PCDHGB5: variants seen among roughly 807,000 people sequenced by gnomAD.
The protein encoded by PCDHGB5 is protocadherin gamma subfamily B, 5.
A neutral mutation model predicts 62.9 loss-of-function variants in PCDHGB5; 48 were observed. That is an observed-to-expected ratio of 0.76 (90% confidence interval 0.61 to 0.97). PCDHGB5 has a LOEUF of 0.97. Among genes scored for constraint, PCDHGB5 ranks in the 50% least tolerant of loss-of-function variants. The pLI, the probability that PCDHGB5 is intolerant of heterozygous loss-of-function variation, is 0.00. For missense variants in PCDHGB5, 1,118 were observed against 1,198.6 expected (o/e 0.93, Z 0.99); for synonymous variants, 474 against 511.2 (o/e 0.93, Z 0.98).
At chr5:141,479,855 C>T (rs1330076788) in intron 1 of PCDHGB5, among the ~76,000 whole-genome samples, 2 of 152,128 alleles carry the variant, frequency 1.3e-5, no homozygotes, top group Non-Finnish European at 2.9e-5. Context: ...ACTGCAAGGC[C>T]TTTGCCCTGG....
At chr5:141,428,147 G>C (rs771536400) in intron 1 of PCDHGB5, 1 of 1,589,612 alleles carries the variant, frequency 6.3e-7, no homozygotes, top group Admixed American at 1.7e-5. Flanking sequence ...GGCTGCACAC[G>C]GGAACCTGCT....
chr5:141,413,456 T>C (rs2095643709), intron 1 of PCDHGB5: 30 of 1,613,982 alleles, frequency 1.9e-5, no homozygotes, highest in South Asian at 2.2e-5. Flanking sequence ...GCGGGCAGGA[T>C]AGACCGGGAG....
At position 141,486,923 on chromosome 5, in the gene PCDHGB5, G is replaced by A. The variant is rs1377159895; in HGVS notation, c.2398-7884G>A. ...ATGTCCCCAAGCACTGCCTCCATCAGTTGGTGCTGGCCACCTAATCACAAA... is the reference window on the plus strand; with the variant it reads ...ATGTCCCCAAGCACTGCCTCCATCAATTGGTGCTGGCCACCTAATCACAAA... On this transcript the variant is annotated intron_variant, in intron 1 of 3. Transcript: ENST00000617380. This position sits in a 1 kb window ranked among gnomAD's most constrained non-coding sequence, Gnocchi z 5.0. 6.2e-7 allele frequency: 1 copy of A among 1,614,252 alleles called. No individual in the cohort carries two copies. Among genetic ancestry groups the A allele is most frequent in the Admixed American group, 1.7e-5 (1 of 60,028 alleles).
chr5:141,403,544 C>A (rs1300060255), intron 1 of PCDHGB5: 2 of 1,613,970 alleles, frequency 1.2e-6, no homozygotes, highest in South Asian at 1.1e-5. Flanking sequence ...GGTGCTGGAG[C>A]GCGCCCTGGA....
At chr5:141,435,821 T>C (rs571444304) in intron 1 of PCDHGB5, among the ~76,000 whole-genome samples, 72 of 152,240 alleles carry the variant, frequency 4.7e-4, no homozygotes, top group African/African-American at 1.6e-3. Context: ...CTTTCTTCTT[T>C]GTTTGCTGCC....
intron 1 of PCDHGB5, among the ~76,000 whole-genome samples, chr5:141,437,771 A>G (rs971065583): frequency 7.9e-5 from 12 of 151,238 alleles, no homozygotes; most frequent in Admixed American, 6.6e-5. Context: ...CAGAGTCTCA[A>G]TCTGTCGCCA....
At chr5:141,408,632 G>C (rs2154540395) in intron 1 of PCDHGB5, 3 of 1,613,952 alleles carry the variant, frequency 1.9e-6, no homozygotes, top group Non-Finnish European at 1.7e-6. Flanking sequence ...AGAAATTTTC[G>C]AATCTGCATC....
At chr5:141,429,196 A>T (rs2097195436) in intron 1 of PCDHGB5, 2 of 151,994 alleles carry the variant, frequency 1.3e-5, no homozygotes, top group African/African-American at 4.8e-5. Context: ...ACACACACAC[A>T]CACACACACG....
At chr5:141,483,757 C>T (rs895694800) in intron 1 of PCDHGB5, among the ~76,000 whole-genome samples, 1 of 151,984 alleles carries the variant, frequency 6.6e-6, no homozygotes, top group Non-Finnish European at 1.5e-5. Flanking sequence ...AGGATCGAGG[C>T]TTGGAAAAAT....
rs895234762 is a variant in PCDHGB5 at position 141,476,911 on chromosome 5, A to G, written c.2398-17896A>G. 4 of 1,613,972 alleles carry G rather than the reference A, an allele frequency of 2.5e-6. No individual in the cohort carries two copies. The African/African-American group carries it at 4.0e-5, about 16-fold the overall frequency. On this transcript the variant is annotated intron_variant, in intron 1 of 3. Transcript: ENST00000617380. This position sits in a 1 kb window ranked among gnomAD's most constrained non-coding sequence, Gnocchi z 7.6. ...CACCCTCCGGCACGCGCGTGGTACA[A>G]GTCCTTGCAACGGATCTGGATGAAG...
At chr5:141,404,720 A>C in intron 1 of PCDHGB5, 1 of 1,613,804 alleles carries the variant, frequency 6.2e-7, no homozygotes, top group Non-Finnish European at 8.5e-7. Flanking sequence ...CCTGGTGACC[A>C]AGGTGGTGGC....
At chr5:141,498,669 C>T (rs774292307) in intron 2 of PCDHGB5, among the ~76,000 whole-genome samples, 29 of 152,156 alleles carry the variant, frequency 1.9e-4, no homozygotes, top group African/African-American at 6.0e-4. Flanking sequence ...TGGTGGCTCA[C>T]GCCTGTAATC....
intron 1 of PCDHGB5, among the ~76,000 whole-genome samples, chr5:141,459,534 T>G (rs980917458): frequency 1.3e-5 from 2 of 151,990 alleles, no homozygotes; most frequent in African/African-American, 2.4e-5. Flanking sequence ...TGTAGGCATA[T>G]TTTTTTTATT....
At chr5:141,495,213 C>T (rs568314100) in intron 2 of PCDHGB5, among the ~76,000 whole-genome samples, 1 of 152,326 alleles carries the variant, frequency 6.6e-6, no homozygotes, top group South Asian at 2.1e-4. Flanking sequence ...AACCCCCTCC[C>T]CTGAGTTGAG....
At position 141,414,787 on chromosome 5, in the gene PCDHGB5, G is replaced by C. The variant is rs372484037; in HGVS notation, c.2397+14263G>C. ...TCATGAGCTACAGATGCAGGTGACA[G>C]CCAGCGACAGCGGGGATCCTCCACT... On this transcript the variant is annotated intron_variant, in intron 1 of 3. Coordinates refer to ENST00000617380, the MANE Select transcript of PCDHGB5 (RefSeq NM_018925.3). 12 of 1,614,230 alleles carry C rather than the reference G, an allele frequency of 7.4e-6. No homozygotes were observed. The highest frequency in any genetic ancestry group is 2.2e-5 in the East Asian group (1 of 44,874).
chr5:141,432,586 C>T lies in PCDHGB5; in HGVS notation c.2397+32062C>T. The T allele has an allele frequency of 1.9e-6, 3 of 1,613,852 alleles. No homozygotes were observed. Among genetic ancestry groups the T allele is most frequent in the Non-Finnish European group, 2.5e-6 (3 of 1,179,972 alleles). On this transcript the variant is annotated intron_variant, in intron 1 of 3. Transcript: ENST00000617380. The surrounding 1 kb of genome is among the most constrained non-coding windows in gnomAD (Gnocchi z 6.0). ...ACGCCTGGCTGTCCTACCGTCTGCT[C>T]AAGGCCAGCGAGCCGGGACTCTTCT...
chr5:141,409,080 C>T (rs2095221617), intron 1 of PCDHGB5: 1 of 1,613,988 alleles, frequency 6.2e-7, no homozygotes, highest in Non-Finnish European at 8.5e-7. Context: ...CATATGTTCT[C>T]ATTGGATGAG....
intron 1 of PCDHGB5, chr5:141,424,599 GATTT>G (rs1016470290): frequency 3.9e-5 from 6 of 152,170 alleles, no homozygotes; most frequent in Non-Finnish European, 8.8e-5. Flanking sequence ...GATGTCTACA[GATTT>G]ATTCAAATAG....
chr5:141,419,317 T>C, intron 1 of PCDHGB5: 1 of 1,613,952 alleles, frequency 6.2e-7, no homozygotes, highest in Non-Finnish European at 8.5e-7. Flanking sequence ...TCAACGGCCG[T>C]GTCTCCTACT....
Sources: gnomAD v4.1 joint callset for allele counts (sites outside exome capture counted in the v4.1 genomes callset) on GRCh38, gnomAD v4.1.1 for gene constraint, Gnocchi (gnomAD v3.1) non-coding constraint, MANE v1.5 for transcripts, NCBI Gene and HGNC (gene_info 2026-07-23, HGNC 2026-07-21) for gene names.